SMG5: variants seen among roughly 807,000 people sequenced by gnomAD.
The protein encoded by SMG5 is nonsense-mediated mRNA decay factor SMG5.
A neutral mutation model predicts 122.9 loss-of-function variants in SMG5; 53 were observed. The observed-to-expected ratio is 0.43, with a 90% CI of 0.35 to 0.54. SMG5 has a LOEUF of 0.54. SMG5 is among the 20% of genes least tolerant of loss of function. The probability of loss-of-function intolerance (pLI) is 0.01; values close to 1 mark genes in which losing one functional copy is unlikely to be tolerated. For missense variants in SMG5, 1,153 were observed against 1,285.6 expected, an observed-to-expected ratio of 0.90 and a Z score of 1.58; for synonymous variants, 477 against 490.2, an observed-to-expected ratio of 0.97 and a Z score of 0.35.
upstream of SMG5, chr1:156,285,470 C>A (rs762311276): frequency 6.2e-7 from 1 of 1,614,068 alleles, no homozygotes; most frequent in South Asian, 1.1e-5. Flanking sequence ...GGGGACTGGC[C>A]CTCAGCCCAG....
chr1:156,280,255 A>G (rs1191032171), intron 1 of SMG5, among the ~76,000 whole-genome samples: 3 of 152,238 alleles, frequency 2.0e-5, no homozygotes, highest in Non-Finnish European at 4.4e-5. Flanking sequence ...GAACATGTGA[A>G]TCAGGCACAA....
intron 16 of SMG5, among the ~76,000 whole-genome samples, chr1:156,256,138 GA>G (rs1400058217): frequency 6.6e-6 from 1 of 152,096 alleles, no homozygotes; most frequent in Non-Finnish European, 1.5e-5. Flanking sequence ...GAAGACTAGG[GA>G]AAGAGGAATA....
intron 19 of SMG5, among the ~76,000 whole-genome samples, chr1:156,252,113 G>T (rs1403029428): frequency 6.6e-6 from 1 of 152,210 alleles, no homozygotes; most frequent in Admixed American, 6.5e-5. Context: ...AAAGTTGGGG[G>T]AGGGAGGTCT....
intron 7 of SMG5, 85 bp from the exon 8 acceptor site, chr1:156,268,500 G>C: frequency 6.5e-7 from 1 of 1,540,322 alleles, no homozygotes; most frequent in East Asian, 2.3e-5. Flanking sequence ...AATGTTACTA[G>C]TAAATACAGG....
chr1:156,291,447 C>G, the SMG5 span: 1 of 1,613,992 alleles, frequency 6.2e-7, no homozygotes, highest in Middle Eastern at 1.6e-4. Flanking sequence ...TACGGCCTGA[C>G]GTTTCTGCCA....
intron 2 of SMG5, among the ~76,000 whole-genome samples, chr1:156,278,378 T>G (rs1233775582): frequency 7.4e-6 from 1 of 135,064 alleles, no homozygotes; most frequent in Non-Finnish European, 1.6e-5. Flanking sequence ...TATTTTTGGG[T>G]TTTTTTTTTT....
intron 21 of SMG5, 75 bp from the exon 22 acceptor site, chr1:156,250,745 G>C (rs1293932409): frequency 2.6e-5 from 42 of 1,601,860 alleles, no homozygotes; most frequent in Non-Finnish European, 3.4e-5. Context: ...AGGCGCTGGG[G>C]AAGGAGTGAT....
chr1:156,260,735 G>T, intron 14 of SMG5, 109 bp from the exon 15 acceptor site: 1 of 1,031,810 alleles, frequency 9.7e-7, no homozygotes, highest in Non-Finnish European at 1.3e-6. Context: ...GATGAGGCAG[G>T]ACATACCCTA....
rs543041233 is a variant in SMG5, at chr1:156,278,482, C to A, written c.174-434G>T. Among the ~76,000 whole-genome samples the A allele has an allele frequency of 4.0e-5, 6 of 151,834 alleles. No individual in the cohort carries two copies. The South Asian group carries it at 1.2e-3, about 32-fold the overall frequency. On this transcript the variant is annotated intron_variant, in intron 2 of 21. Transcript: ENST00000361813. ...GGCTCAAATGATCCTCCCACCTCAG[C>A]CTAACTACAGGTGTGCGGGATTACA...
rs1662134225 is a variant in SMG5 at position 156,266,299 on chromosome 1, T to G, written c.1337A>C (p.Glu446Ala). Residue 446 changes from glutamate (E) to alanine (A), a missense_variant, in exon 12 of 22, where the codon GAG becomes GCG. Physicochemically the swap from Glu to Ala is moderately radical, Grantham distance 107. This residue lies in a region of SMG5 where 631 missense variants were observed against 650.6 expected (regional missense o/e 0.97). Coordinates refer to ENST00000361813, the MANE Select transcript of SMG5 (RefSeq NM_015327.3). ...EPPPVTPQVG[E>A]GRKSRKFSRL... ...AGAGAACTTACGGCTCTTTCTGCCC[T>G]CACCCACTTGGGGTGTTACAGGAGG... is the stretch of plus-strand genomic sequence containing the variant. 2.5e-6 allele frequency: 4 copies of G among 1,614,068 alleles called. No individual in the cohort carries two copies. The South Asian group carries it at 4.4e-5, about 18-fold the overall frequency.
rs1313053484 is a variant in SMG5 at position 156,251,328 on chromosome 1, C to A, written c.2828+75G>T. Reference sequence around the variant, plus strand: ...AGCCTCAGAATTATCCAGCCCTACCCGTTCTCCCTAGGAATGCTCGTGGAG... The same window carrying A: ...AGCCTCAGAATTATCCAGCCCTACCAGTTCTCCCTAGGAATGCTCGTGGAG... On this transcript the variant is annotated intron_variant, in intron 20 of 21. Coordinates refer to ENST00000361813, the MANE Select transcript of SMG5 (RefSeq NM_015327.3). 5 of 1,529,026 alleles carry A rather than the reference C, an allele frequency of 3.3e-6. No individual in the cohort carries two copies. The Admixed American group carries it at 5.0e-5, about 15-fold the overall frequency. 94.7% of individuals were successfully genotyped at this position (1,529,026 alleles called of 1,614,324 possible).
chr1:156,277,954 C>T lies in SMG5; in HGVS notation c.268G>A (p.Val90Ile). The change falls in exon 3 of 22, where the codon GTT becomes ATT. Residue 90 changes from valine (V) to isoleucine (I), a missense_variant. Val to Ile is a conservative substitution (Grantham distance 29). Transcript: ENST00000361813. ...ELLWRKVYYE[V>I]IQLIKTNKKH... ...TTGTTAGTCTTGATAAGCTGGATAA[C>T]TTCATAGTATACCTTTCTCCACAGC... 1 of 1,614,090 alleles carries T rather than the reference C, an allele frequency of 6.2e-7. No individual in the cohort carries two copies. The highest frequency in any genetic ancestry group is 1.3e-5 in the African/African-American group (1 of 75,036).
At chr1:156,285,882 A>G (rs1448431216), upstream of SMG5, 1 of 1,613,800 alleles carries the variant, frequency 6.2e-7, no homozygotes. Context: ...TACGGGGCAT[A>G]TGCCTTCCTG....
chr1:156,265,157 T>C (rs1448344717), intron 12 of SMG5, among the ~76,000 whole-genome samples: 4 of 150,908 alleles, frequency 2.7e-5, no homozygotes. Flanking sequence ...TGGGAAGCAG[T>C]TGGTTGCAGT....
Position 156,273,445 on chromosome 1 carries a change from A to G in SMG5, c.550T>C (p.Tyr184His). 4 of 1,613,846 alleles carry G rather than the reference A, an allele frequency of 2.5e-6. No individual in the cohort carries two copies. Among genetic ancestry groups the G allele is most frequent in the Non-Finnish European group, 3.4e-6 (4 of 1,179,898 alleles). The change falls in exon 6 of 22, where the codon TAT becomes CAT. Residue 184 changes from tyrosine (Y) to histidine (H), a missense_variant. Around this residue, in one of 5 missense-constraint regions of SMG5, gnomAD observed 85 missense variants for 127.3 expected, o/e 0.67. Transcript: ENST00000361813. ...TCTACGCCAGCTAATTCATTCTGAT[A>G]TCGGGCTGCACAAGAGAGAAAACGA... ...CLVYLGDLSR[Y>H]QNELAGVDTE... is the part of the protein sequence containing the mutation.
chr1:156,268,046 G>T, intron 9 of SMG5, 69 bp downstream of exon 9: 1 of 1,513,394 alleles, frequency 6.6e-7, no homozygotes, highest in Non-Finnish European at 9.1e-7. Flanking sequence ...CCCTTGTCAA[G>T]GTTCCTTCTG....
Position 156,252,954 on chromosome 1 carries a change from G to A in SMG5, c.2627C>T (p.Thr876Ile), listed in dbSNP as rs752289368. Residue 876 changes from threonine (T) to isoleucine (I), a missense_variant, in exon 18 of 22, where the codon ACC becomes ATC. By Grantham distance (89) the Thr-to-Ile change is moderately conservative. This residue lies in a region of SMG5 where 140 missense variants were observed against 227.8 expected (regional missense o/e 0.61). Coordinates refer to ENST00000361813, the MANE Select transcript of SMG5 (RefSeq NM_015327.3). ...HHLPVIRQLA[T>I]SGRFIVIIPR... ...GATGATGACAATGAAGCGGCCACTG[G>A]TGGCCAGTTGGCGGATGACAGGGAG... 7 of 1,612,434 alleles carry A rather than the reference G, an allele frequency of 4.3e-6. No individual in the cohort carries two copies. In the South Asian group the frequency reaches 5.5e-5, roughly 13 times the overall value.
At chr1:156,268,581 C>T (rs372457341) in intron 7 of SMG5, among the ~76,000 whole-genome samples, 166 bp from the exon 8 acceptor site, 48 of 152,276 alleles carry the variant, frequency 3.2e-4, no homozygotes, top group African/African-American at 1.0e-3. Context: ...CCCGATAACA[C>T]ACACACACAT....
chr1:156,283,192 C>A, upstream of SMG5: 1 of 218,644 alleles, frequency 4.6e-6, no homozygotes, highest in Non-Finnish European at 8.9e-6. Context: ...GTGACTCCAG[C>A]TTTCCCTTTT....
Sources: allele counts gnomAD v4.1 joint callset (sites outside exome capture counted in the v4.1 genomes callset), GRCh38; gene constraint gnomAD v4.1.1; regional missense constraint gnomAD v4.1.1; transcripts MANE v1.5; gene names NCBI Gene and HGNC (gene_info 2026-07-23, HGNC 2026-07-21).